Variants in FAM13C observed in about 807,000 individuals in gnomAD.
The protein encoded by FAM13C is protein FAM13C.
Under a neutral mutation model 73.2 loss-of-function variants are expected in FAM13C, and 37 were observed. The ratio of observed to expected loss-of-function variants is 0.51; its 90% CI spans 0.39 to 0.67. FAM13C has a LOEUF of 0.67. Ranked by LOEUF, FAM13C falls within the 30% of genes least tolerant of loss-of-function variation. FAM13C has a pLI of 0.00. For synonymous variants in FAM13C, 246 were observed against 260.9 expected (o/e 0.94, Z 0.55); for missense variants, 589 against 715.6 (o/e 0.82, Z 2.02).
At chr10:59,341,053 T>C (rs938318216) in intron 3 of FAM13C, among the ~76,000 whole-genome samples, 1 of 152,086 alleles carries the variant, frequency 6.6e-6, no homozygotes. Flanking sequence ...TGCCCTCCTG[T>C]GGATCCACAA....
intron 5 of FAM13C, among the ~76,000 whole-genome samples, chr10:59,293,424 T>C (rs2055164772): frequency 6.6e-6 from 1 of 152,200 alleles, no homozygotes; most frequent in Non-Finnish European, 1.5e-5. Context: ...ATGCAGTGTT[T>C]ATCTTTCTGT....
intron 3 of FAM13C, among the ~76,000 whole-genome samples, chr10:59,351,986 A>G (rs573035): frequency 0.25 from 38,463 of 151,942 alleles, 5,188 homozygotes; most frequent in African/African-American, 0.32. Flanking sequence ...ATAGAACGAA[A>G]CTCTGTCTCC....
intron 4 of FAM13C, among the ~76,000 whole-genome samples, chr10:59,322,875 A>C (rs1176478603): frequency 6.6e-5 from 10 of 152,194 alleles, no homozygotes; most frequent in Non-Finnish European, 1.5e-5. Context: ...ACAAGGCTGA[A>C]TCCAACAGGT....
At chr10:59,361,979 C>G (rs1054161203) in intron 1 of FAM13C, among the ~76,000 whole-genome samples, 2 of 152,168 alleles carry the variant, frequency 1.3e-5, no homozygotes, top group African/African-American at 4.8e-5. Flanking sequence ...TAAGTTTAGC[C>G]TGTTTACCAC....
chr10:59,348,730 C>A (rs1361642785), intron 3 of FAM13C, among the ~76,000 whole-genome samples: 1 of 152,106 alleles, frequency 6.6e-6, no homozygotes, highest in Non-Finnish European at 1.5e-5. Flanking sequence ...CCTCTGCCTC[C>A]CGGGTTCAAG....
At chr10:59,310,606 C>T (rs1459930677) in intron 4 of FAM13C, among the ~76,000 whole-genome samples, 6 of 152,062 alleles carry the variant, frequency 3.9e-5, no homozygotes, top group Non-Finnish European at 7.4e-5. Flanking sequence ...AATTATTCCC[C>T]GAGAGACTAC....
chr10:59,258,601 G>A (rs1334497074), intron 10 of FAM13C, among the ~76,000 whole-genome samples: 2 of 152,146 alleles, frequency 1.3e-5, no homozygotes, highest in Non-Finnish European at 2.9e-5. Context: ...TGGGGTGGGA[G>A]ACCTCAGAGC....
intron 5 of FAM13C, among the ~76,000 whole-genome samples, chr10:59,296,370 C>T (rs1031163954): frequency 2.0e-5 from 3 of 152,122 alleles, no homozygotes; most frequent in Admixed American, 6.5e-5. Context: ...ACAAAATTAA[C>T]ATATTAAAGG....
At chr10:59,295,044 A>G (rs1311670186) in intron 5 of FAM13C, among the ~76,000 whole-genome samples, 1 of 152,232 alleles carries the variant, frequency 6.6e-6, no homozygotes, top group Admixed American at 6.5e-5. Flanking sequence ...AAACACCAAC[A>G]TCACAGGAAC....
chr10:59,303,965 T>C (rs1051598663), intron 4 of FAM13C, among the ~76,000 whole-genome samples: 3 of 152,118 alleles, frequency 2.0e-5, no homozygotes, highest in African/African-American at 4.8e-5. Context: ...CTGGGCAATA[T>C]GGTGAAACCC....
chr10:59,256,644 CAGAT>C (rs1429860684), intron 10 of FAM13C, among the ~76,000 whole-genome samples: 2 of 152,162 alleles, frequency 1.3e-5, no homozygotes, highest in Admixed American at 1.3e-4. Context: ...TGCTCATCCT[CAGAT>C]AGAGGACAGG....
At chr10:59,332,606 A>T (rs1453298455) in intron 3 of FAM13C, among the ~76,000 whole-genome samples, 1 of 152,238 alleles carries the variant, frequency 6.6e-6, no homozygotes, top group Non-Finnish European at 1.5e-5. Flanking sequence ...AAGTACACTC[A>T]ATAGTATGAC....
chr10:59,340,772 CTTATT>C (rs1853387411), intron 3 of FAM13C, among the ~76,000 whole-genome samples: 2 of 151,494 alleles, frequency 1.3e-5, no homozygotes, highest in Non-Finnish European at 2.9e-5. Context: ...TTAGTATTTG[CTTATT>C]TTATATTAGA....
chr10:59,274,137 C>T (rs1008334831), intron 6 of FAM13C, among the ~76,000 whole-genome samples: 1 of 152,104 alleles, frequency 6.6e-6, no homozygotes, highest in African/African-American at 2.4e-5. Context: ...CAGCCTCTCT[C>T]AGGACAGACA....
intron 10 of FAM13C, among the ~76,000 whole-genome samples, chr10:59,255,192 G>A (rs544541550): frequency 5.1e-4 from 77 of 152,236 alleles, no homozygotes; most frequent in African/African-American, 1.8e-3. Context: ...CTGACAGGCT[G>A]TGATATCAAC....
chr10:59,335,030 G>T (rs1223486549), intron 3 of FAM13C, among the ~76,000 whole-genome samples: 2 of 152,128 alleles, frequency 1.3e-5, no homozygotes, highest in Admixed American at 6.5e-5. Context: ...CCTCTTAAAA[G>T]GTCTCTAGCT....
rs564998570 is a variant in FAM13C, at chr10:59,354,280, AG to A, written c.119+1606del. ...GACTTGGAAAGCCAGGAAAGGGGAG[AG>A]GGGGCCAAAAGCATCTTTCTTGCAT... On this transcript the variant is annotated intron_variant, in intron 2 of 13. Coordinates refer to ENST00000618804, the MANE Select transcript of FAM13C (RefSeq NM_198215.4). Among the ~76,000 whole-genome samples, 916 of 152,252 alleles carry A rather than the reference AG, an allele frequency of 6.0e-3. 8 individuals carry two copies. Among genetic ancestry groups the A allele is most frequent in the African/African-American group, 0.021 (882 of 41,554 alleles).
intron 10 of FAM13C, among the ~76,000 whole-genome samples, chr10:59,256,393 T>C (rs1483370775): frequency 6.6e-6 from 1 of 152,092 alleles, no homozygotes; most frequent in Non-Finnish European, 1.5e-5. Context: ...TAAATTTAAT[T>C]CTAAAAGGAA....
intron 10 of FAM13C, 64 bp downstream of exon 10, chr10:59,262,370 G>T: frequency 7.1e-7 from 1 of 1,405,024 alleles, no homozygotes. Flanking sequence ...TGACAAATTG[G>T]ATGATCTCAT....
Sources: allele counts gnomAD v4.1 joint callset (sites outside exome capture counted in the v4.1 genomes callset), GRCh38; gene constraint gnomAD v4.1.1; transcripts MANE v1.5; gene names NCBI Gene and HGNC (gene_info 2026-07-23, HGNC 2026-07-21).